Variants in SAMD3 observed in about 807,000 individuals in gnomAD.
SAMD3 encodes sterile alpha motif domain-containing protein 3.
In SAMD3, 63 loss-of-function variants were observed where a neutral mutation model predicts 58.5. The ratio of observed to expected loss-of-function variants is 1.08; its 90% CI spans 0.88 to 1.33. SAMD3 has a LOEUF of 1.33. Ranked by LOEUF, SAMD3 falls within the 40% of genes most tolerant of loss-of-function variation. The probability of loss-of-function intolerance (pLI) is 0.00; values close to 1 mark genes in which losing one functional copy is unlikely to be tolerated. For missense variants in SAMD3, 604 were observed against 608.4 expected, an observed-to-expected ratio of 0.99 and a Z score of 0.08; for synonymous variants, 220 against 210.3, an observed-to-expected ratio of 1.05 and a Z score of -0.40.
chr6:130,229,085 T>G (rs979403275), intron 2 of SAMD3, among the ~76,000 whole-genome samples: 1 of 152,200 alleles, frequency 6.6e-6, no homozygotes, highest in East Asian at 1.9e-4. Context: ...GCCTTCCTTC[T>G]TGGTAGCACT....
chr6:130,186,363 G>A (rs1025570292), intron 5 of SAMD3, among the ~76,000 whole-genome samples: 1 of 152,116 alleles, frequency 6.6e-6, no homozygotes, highest in Non-Finnish European at 1.5e-5. Context: ...CAAGCACACA[G>A]GAGAAAGCAC....
chr6:130,256,031 T>G (rs1334385909), intron 2 of SAMD3, among the ~76,000 whole-genome samples: 1 of 151,536 alleles, frequency 6.6e-6, no homozygotes, highest in Admixed American at 6.6e-5. Flanking sequence ...TCTTCCTTTG[T>G]GGTTTGATGG....
intron 2 of SAMD3, among the ~76,000 whole-genome samples, chr6:130,303,252 C>T (rs560052786): frequency 1.1e-3 from 168 of 152,230 alleles, no homozygotes; most frequent in African/African-American, 3.9e-3. Flanking sequence ...AAATCACAAT[C>T]TTTTCTGTTT....
At chr6:130,335,018 T>C (rs1049884476) in intron 1 of SAMD3, among the ~76,000 whole-genome samples, 2 of 152,230 alleles carry the variant, frequency 1.3e-5, no homozygotes, top group Non-Finnish European at 2.9e-5. Flanking sequence ...GCAATATCAA[T>C]CACCTTTGTC....
intron 2 of SAMD3, among the ~76,000 whole-genome samples, chr6:130,282,260 T>A (rs1366916392): frequency 6.6e-6 from 1 of 152,230 alleles, no homozygotes; most frequent in Non-Finnish European, 1.5e-5. Context: ...AATGGCCTTG[T>A]GTTCTAGTCC....
intron 9 of SAMD3, among the ~76,000 whole-genome samples, chr6:130,151,825 G>A (rs1317291245): frequency 1.3e-5 from 2 of 152,114 alleles, no homozygotes; most frequent in Non-Finnish European, 2.9e-5. Flanking sequence ...TTGTTTCTCA[G>A]GAAGGCAGAA....
intron 5 of SAMD3, among the ~76,000 whole-genome samples, chr6:130,192,971 C>G (rs930160747): frequency 1.3e-5 from 2 of 152,314 alleles, no homozygotes. Context: ...AATTTCAATT[C>G]CTTTCATTTT....
At chr6:130,195,043 C>T (rs1209154594) in intron 5 of SAMD3, among the ~76,000 whole-genome samples, 1 of 152,172 alleles carries the variant, frequency 6.6e-6, no homozygotes, top group East Asian at 1.9e-4. Flanking sequence ...CCAACTTAGA[C>T]AATACTCTTT....
intron 1 of SAMD3, among the ~76,000 whole-genome samples, chr6:130,346,010 T>C (rs1441577551): frequency 6.6e-6 from 1 of 152,238 alleles, no homozygotes; most frequent in African/African-American, 2.4e-5. Context: ...CTGAATATTT[T>C]GCACTTTATC....
At chr6:130,279,377 C>T (rs927255482) in intron 2 of SAMD3, among the ~76,000 whole-genome samples, 1 of 152,068 alleles carries the variant, frequency 6.6e-6, no homozygotes, top group African/African-American at 2.4e-5. Flanking sequence ...TGGCATTTCC[C>T]CTGCTGGCAC....
intron 2 of SAMD3, among the ~76,000 whole-genome samples, chr6:130,277,839 C>T (rs1263326904): frequency 6.6e-6 from 1 of 152,168 alleles, no homozygotes; most frequent in Non-Finnish European, 1.5e-5. Context: ...TGTCTCTGTT[C>T]ATTCCTGGGT....
At chr6:130,170,328 G>A (rs1791129775) in intron 8 of SAMD3, among the ~76,000 whole-genome samples, 1 of 152,204 alleles carries the variant, frequency 6.6e-6, no homozygotes, top group African/African-American at 2.4e-5. Context: ...TCAGTTTGCT[G>A]AGAATGATGG....
intron 5 of SAMD3, among the ~76,000 whole-genome samples, chr6:130,196,479 T>C (rs963060066): frequency 6.6e-6 from 1 of 152,142 alleles, no homozygotes; most frequent in African/African-American, 2.4e-5. Context: ...CCTTCTTCCC[T>C]GTTTCTCACC....
In SAMD3 at chr6:130,175,655, C is replaced by A. The variant is rs115486011; in HGVS notation, c.822+186G>T. The A allele has an allele frequency of 2.1e-3, 872 of 422,590 alleles. 10 individuals carry two copies. Among genetic ancestry groups the A allele is most frequent in the African/African-American group, 0.017 (816 of 49,304 alleles). The allele number at this position is 422,590 out of a possible 1,614,324, so 26.2% of individuals were successfully genotyped here. On this transcript the variant is annotated intron_variant, in intron 8 of 11. Transcript: ENST00000439090. ...ATGTTCAGTAATTGTTTTGGGAATT[C>A]TTTTCTTGGAAATATCACGCTCATT...
At chr6:130,353,583 T>C (rs1479759652) in intron 1 of SAMD3, among the ~76,000 whole-genome samples, 1 of 152,214 alleles carries the variant, frequency 6.6e-6, no homozygotes, top group Non-Finnish European at 1.5e-5. Flanking sequence ...CTAGCCCTCT[T>C]TTTAATCCAG....
chr6:130,190,277 C>A (rs140021308), intron 5 of SAMD3, among the ~76,000 whole-genome samples: 133 of 151,476 alleles, frequency 8.8e-4, no homozygotes, highest in African/African-American at 3.2e-3. Flanking sequence ...AGACTCCACA[C>A]TGTAACATTC....
chr6:130,152,533 C>T (rs952624941), intron 9 of SAMD3, among the ~76,000 whole-genome samples: 1 of 151,878 alleles, frequency 6.6e-6, no homozygotes, highest in Admixed American at 6.6e-5. Context: ...AAAAATTAGC[C>T]AGGCGTGGTG....
At chr6:130,142,892 G>A (rs1052010216), downstream of SAMD3, 5 of 152,332 alleles carry the variant, frequency 3.3e-5, no homozygotes, top group African/African-American at 1.2e-4. Context: ...GAGTAATTTG[G>A]GGAAATAAAG....
chr6:130,186,506 C>G (rs558092727), intron 5 of SAMD3, among the ~76,000 whole-genome samples: 2 of 152,282 alleles, frequency 1.3e-5, no homozygotes, highest in South Asian at 2.1e-4. Context: ...AATACCACAA[C>G]AGGATATTTC....
Sources: allele counts gnomAD v4.1 joint callset (sites outside exome capture counted in the v4.1 genomes callset), GRCh38; gene constraint gnomAD v4.1.1; transcripts MANE v1.5; gene names NCBI Gene and HGNC (gene_info 2026-07-23, HGNC 2026-07-21).